UBN2: variants seen among roughly 807,000 people sequenced by gnomAD.
UBN2 encodes the protein ubinuclein 2.
In UBN2, 35 loss-of-function variants were observed where a neutral mutation model predicts 120.2. The ratio of observed to expected loss-of-function variants is 0.29; its 90% CI spans 0.22 to 0.39. UBN2 has a LOEUF of 0.39. Among genes scored for constraint, UBN2 ranks in the 10% least tolerant of loss-of-function variants. The pLI is 1.00. For missense variants in UBN2, 1,693 were observed against 1,663.2 expected (o/e 1.02, Z -0.31); for synonymous variants, 661 against 648.7 (o/e 1.02, Z -0.29).
chr7:139,320,809 T>C, the UBN2 span, among the ~76,000 whole-genome samples: 1 of 149,074 alleles, frequency 6.7e-6, no homozygotes, highest in East Asian at 2.0e-4. Flanking sequence ...TGAGCCAAGA[T>C]CATGCCACTG....
At chr7:139,250,131 C>A (rs1796583701) in intron 2 of UBN2, among the ~76,000 whole-genome samples, 1 of 152,114 alleles carries the variant, frequency 6.6e-6, no homozygotes, top group Admixed American at 6.5e-5. Flanking sequence ...GTCCTGGCTA[C>A]TTGGGAGTGT....
At chr7:139,238,437 T>C (rs1030944496) in intron 2 of UBN2, among the ~76,000 whole-genome samples, 1 of 150,238 alleles carries the variant, frequency 6.7e-6, no homozygotes, top group Non-Finnish European at 1.5e-5. Context: ...TTTTTCTCTC[T>C]TTTTTTCTAA....
intron 15 of UBN2, among the ~76,000 whole-genome samples, chr7:139,290,544 C>G (rs890777177): frequency 2.0e-5 from 3 of 152,082 alleles, no homozygotes; most frequent in African/African-American, 7.2e-5. Flanking sequence ...GAATGGAATT[C>G]CCTGATGAAA....
intron 12 of UBN2, chr7:139,277,130 C>G (rs144180645): frequency 6.6e-6 from 1 of 152,190 alleles, no homozygotes; most frequent in African/African-American, 2.4e-5. Flanking sequence ...ACTGAACACT[C>G]TAATTCAATA....
chr7:139,249,508 A>G (rs1209633082), intron 2 of UBN2, among the ~76,000 whole-genome samples: 1 of 152,190 alleles, frequency 6.6e-6, no homozygotes, highest in African/African-American at 2.4e-5. Flanking sequence ...TTTAAGGGCC[A>G]TGTTACATAC....
At chr7:139,271,106 G>C (rs1450628779) in intron 8 of UBN2, among the ~76,000 whole-genome samples, 1 of 152,090 alleles carries the variant, frequency 6.6e-6, no homozygotes, top group Admixed American at 6.6e-5. Context: ...TTAAACATAG[G>C]ATTTTGTCAT....
At chr7:139,252,839 G>C (rs1483751579) in intron 3 of UBN2, among the ~76,000 whole-genome samples, 3 of 152,288 alleles carry the variant, frequency 2.0e-5, no homozygotes, top group East Asian at 3.9e-4. Context: ...AGTTAAGCTA[G>C]TGGTTCTCAA....
intron 15 of UBN2, among the ~76,000 whole-genome samples, chr7:139,290,424 T>C (rs946873791): frequency 1.3e-5 from 2 of 152,182 alleles, no homozygotes; most frequent in African/African-American, 2.4e-5. Context: ...AGATTTGTAC[T>C]TAAGTGTAAG....
At position 139,305,918 on chromosome 7, in the gene UBN2, C is replaced by G. The variant is rs1044874473; in HGVS notation, c.*8082C>G. On this transcript the variant is annotated 3_prime_UTR_variant, in exon 18 of 18. Coordinates refer to ENST00000473989, the MANE Select transcript of UBN2 (RefSeq NM_173569.4). ...TGCCTTGCTTATTTTCATACTCCCC[C>G]TGAAATAAGCCTACTTTTGCAAACA... The G allele has an allele frequency of 2.0e-5, 3 of 152,162 alleles. 1 individual carries two copies. The South Asian group carries it at 6.2e-4, about 32-fold the overall frequency. The allele number at this position is 152,162 out of a possible 1,614,324, so 9.4% of individuals were successfully genotyped here.
At chr7:139,256,282 A>G (rs1466943533) in intron 3 of UBN2, among the ~76,000 whole-genome samples, 2 of 152,242 alleles carry the variant, frequency 1.3e-5, no homozygotes, top group Non-Finnish European at 2.9e-5. Context: ...GAATAGTAGC[A>G]GTGATCCTTA....
In UBN2 at chr7:139,231,659, C is replaced by T; in HGVS notation, c.175C>T (p.Pro59Ser). 4 of 1,200,506 alleles carry T rather than the reference C, an allele frequency of 3.3e-6. No homozygotes were observed. Among genetic ancestry groups the T allele is most frequent in the South Asian group, 4.0e-5 (1 of 24,914 alleles). 74.4% of individuals were successfully genotyped at this position (1,200,506 alleles called of 1,614,324 possible). ...AEPPAPREPA[P>S]RSDAQPPSRE... ...GCCGCCGGCCCCGCGGGAGCCTGCC[C>T]CCCGCTCGGACGCGCAGCCCCCGTC... The change falls in exon 1 of 18, where the codon CCC becomes TCC. Residue 59 changes from proline to serine, a missense_variant. Physicochemically the swap from Pro to Ser is moderately conservative, Grantham distance 74 (BLOSUM62 -1). Coordinates refer to ENST00000473989, the MANE Select transcript of UBN2 (RefSeq NM_173569.4).
intron 16 of UBN2, 136 bp from the exon 17 acceptor site, chr7:139,293,753 C>G (rs12334279): frequency 1.3e-6 from 1 of 775,018 alleles, no homozygotes; most frequent in Non-Finnish European, 2.1e-6. Flanking sequence ...AGTAAATTTT[C>G]AAAAACGTGC....
intron 2 of UBN2, among the ~76,000 whole-genome samples, chr7:139,239,387 G>A (rs1796252237): frequency 6.6e-6 from 1 of 151,902 alleles, no homozygotes; most frequent in Admixed American, 6.6e-5. Context: ...TAATAGTGCT[G>A]CAGTAAATTA....
At chr7:139,273,133 C>T (rs922038874) in intron 9 of UBN2, among the ~76,000 whole-genome samples, 164 bp from the exon 10 acceptor site, 14 of 152,210 alleles carry the variant, frequency 9.2e-5, no homozygotes, top group South Asian at 4.1e-4. Flanking sequence ...TACCAAACTA[C>T]TTTATAACTC....
chr7:139,327,873 C>T, the UBN2 span, among the ~76,000 whole-genome samples: 1 of 152,188 alleles, frequency 6.6e-6, no homozygotes, highest in Non-Finnish European at 1.5e-5. Flanking sequence ...TGCTGCATCT[C>T]AGAAAACTGC....
In UBN2 at chr7:139,305,212, C is replaced by A. The variant is rs1054200256; in HGVS notation, c.*7376C>A. On this transcript the variant is annotated 3_prime_UTR_variant, in exon 18 of 18. Transcript: ENST00000473989. ...GAATATTAATGTTGAATTCTTCTTT[C>A]TTGGTTTCCTTTAGTCTTCATTCTT... is the stretch of plus-strand genomic sequence containing the variant. 1 of 152,166 alleles carries A rather than the reference C, an allele frequency of 6.6e-6. No individual in the cohort carries two copies. Among genetic ancestry groups the A allele is most frequent in the Non-Finnish European group, 1.5e-5 (1 of 68,014 alleles). The allele number at this position is 152,166 out of a possible 1,614,324, so 9.4% of individuals were successfully genotyped here.
chr7:139,231,446 C>T lies in UBN2; in HGVS notation c.-39C>T. The T allele has an allele frequency of 7.8e-7, 1 of 1,286,012 alleles. No individual in the cohort carries two copies. 79.7% of individuals were successfully genotyped at this position (1,286,012 alleles called of 1,614,324 possible). ...GCACGCAGCGCGCCGTAGAAGCGAG[C>T]GCCGGCTCGAGCAAAAGCGGAGGGC... On this transcript the variant is annotated 5_prime_UTR_variant, in exon 1 of 18. Coordinates refer to ENST00000473989, the MANE Select transcript of UBN2 (RefSeq NM_173569.4).
At chr7:139,280,943 C>T (rs1264260909) in intron 13 of UBN2, among the ~76,000 whole-genome samples, 3 of 152,202 alleles carry the variant, frequency 2.0e-5, no homozygotes, top group East Asian at 1.9e-4. Flanking sequence ...TATGCCCAGC[C>T]AGTAGTCCTC....
rs773682311 is a variant in UBN2 at position 139,293,279 on chromosome 7, C to T, written c.3717C>T (p.Leu1239=). 1.9e-6 allele frequency: 3 copies of T among 1,614,102 alleles called. No homozygotes were observed. The highest frequency in any genetic ancestry group is 2.7e-5 in the African/African-American group (2 of 74,942). Residue 1239 remains leucine (L), a synonymous_variant, in exon 16 of 18, where the codon CTC becomes CTT. Transcript: ENST00000473989. Reference sequence around the variant, plus strand: ...TGGCTAATGCCTCACCTCTGACTCTCATGACATCACCTTTGTCTGTAACAA... The same window carrying T: ...TGGCTAATGCCTCACCTCTGACTCTTATGACATCACCTTTGTCTGTAACAA... ...SLLANASPLT[L]MTSPLSVTNQ... is the part of the protein sequence containing the mutation.
Sources: allele counts gnomAD v4.1 joint callset (sites outside exome capture counted in the v4.1 genomes callset), GRCh38; gene constraint gnomAD v4.1.1; transcripts MANE v1.5; gene names NCBI Gene and HGNC (gene_info 2026-07-23, HGNC 2026-07-21).